Variants in NACC2 observed in about 807,000 individuals in gnomAD.
NACC2 encodes the protein NACC family member 2.
A neutral mutation model predicts 25.1 loss-of-function variants in NACC2; 8 were observed. The observed-to-expected ratio is 0.32, with a 90% CI of 0.19 to 0.57. NACC2 has a LOEUF of 0.57. Among genes scored for constraint, NACC2 ranks in the 20% least tolerant of loss-of-function variants. The pLI is 0.89. For synonymous variants in NACC2, 435 were observed against 294.7 expected (o/e 1.48, Z -4.88); for missense variants, 644 against 650.2 (o/e 0.99, Z 0.10).
At chr9:136,091,615 C>G (rs1830434396) in intron 1 of NACC2, among the ~76,000 whole-genome samples, 1 of 152,196 alleles carries the variant, frequency 6.6e-6, no homozygotes, top group Non-Finnish European at 1.5e-5. Flanking sequence ...TCACGCCTGC[C>G]CACTGCGCTC....
Position 136,019,623 on chromosome 9 carries a change from G to A in NACC2, c.887-3194C>T, listed in dbSNP as rs1373755313. 1.3e-5 allele frequency: 2 copies of A among 152,356 alleles called. No individual in the cohort carries two copies. Among genetic ancestry groups the A allele is most frequent in the Non-Finnish European group, 2.9e-5 (2 of 68,146 alleles). 9.4% of individuals were successfully genotyped at this position (152,356 alleles called of 1,614,324 possible). Reference sequence around the variant, plus strand: ...ACAACCGCGCCCCCACACAGGGAAGGTGCACCAGGGTCACGACGAGAGGGC... The same window carrying A: ...ACAACCGCGCCCCCACACAGGGAAGATGCACCAGGGTCACGACGAGAGGGC... On this transcript the variant is annotated intron_variant, in intron 2 of 5. Coordinates refer to ENST00000277554, the MANE Select transcript of NACC2 (RefSeq NM_144653.5). This position sits in a 1 kb window ranked among gnomAD's most constrained non-coding sequence, Gnocchi z 5.2.
At chr9:136,091,292 G>A (rs890045259) in intron 1 of NACC2, among the ~76,000 whole-genome samples, 32 of 152,200 alleles carry the variant, frequency 2.1e-4, no homozygotes, top group Non-Finnish European at 5.9e-5. Flanking sequence ...GGAGGCAGAG[G>A]ATGCTACTCT....
chr9:136,069,248 T>C (rs1841122646), intron 1 of NACC2, among the ~76,000 whole-genome samples: 1 of 151,644 alleles, frequency 6.6e-6, no homozygotes, highest in African/African-American at 2.4e-5. Context: ...GAGTCATATT[T>C]TAAAATGTAT....
intron 1 of NACC2, among the ~76,000 whole-genome samples, chr9:136,065,902 A>T (rs887529666): frequency 1.3e-5 from 2 of 152,048 alleles, no homozygotes; most frequent in Non-Finnish European, 2.9e-5. Flanking sequence ...CCATAAAGAA[A>T]GTAAAAAGAG....
chr9:136,083,748 C>G (rs529338253), intron 1 of NACC2, among the ~76,000 whole-genome samples: 6 of 152,360 alleles, frequency 3.9e-5, no homozygotes, highest in African/African-American at 1.4e-4. Context: ...GAAATTCCTG[C>G]TGTTTCAGGC....
intron 2 of NACC2, among the ~76,000 whole-genome samples, chr9:136,046,229 C>A (rs1001736427): frequency 6.6e-6 from 1 of 152,150 alleles, no homozygotes; most frequent in Non-Finnish European, 1.5e-5. Context: ...AGGCATTTCG[C>A]AATCTCTAGC....
At position 136,049,535 on chromosome 9, in the gene NACC2, GC is replaced by G. The variant is rs1211282825; in HGVS notation, c.886+100del. 82 of 632,682 alleles carry G rather than the reference GC, an allele frequency of 1.3e-4. No homozygotes were observed. In the African/African-American group the frequency reaches 1.3e-3, roughly 10 times the overall value. The allele number at this position is 632,682 out of a possible 1,614,324, so 39.2% of individuals were successfully genotyped here. On this transcript the variant is annotated intron_variant, in intron 2 of 5. Coordinates refer to ENST00000277554, the MANE Select transcript of NACC2 (RefSeq NM_144653.5). ...AGGCTTGGTGGGGGGCTCCCCTGTG[GC>G]CCCGCAGGCCTCCGGCCCAGTGGCC...
intron 1 of NACC2, 72 bp from the exon 2 acceptor site, chr9:136,050,652 C>T (rs2131162900): frequency 9.1e-6 from 6 of 657,016 alleles, no homozygotes; most frequent in South Asian, 8.4e-5. Context: ...CCGTTCCCAC[C>T]CCCTCCTCCC....
intron 2 of NACC2, among the ~76,000 whole-genome samples, chr9:136,025,948 T>C (rs568465541): frequency 1.3e-5 from 2 of 152,038 alleles, no homozygotes; most frequent in Admixed American, 1.3e-4. Flanking sequence ...ACTAACAATA[T>C]GAACTCAAAA....
chr9:136,059,106 C>G (rs1007901600), intron 1 of NACC2, among the ~76,000 whole-genome samples: 72 of 152,206 alleles, frequency 4.7e-4, no homozygotes, highest in African/African-American at 1.5e-3. Flanking sequence ...AGCCCCAACC[C>G]CTGCAAGCAG....
chr9:136,013,059 C>A lies in NACC2; in HGVS notation c.1255+140G>T, dbSNP rs1588555299. 4 of 642,188 alleles carry A rather than the reference C, an allele frequency of 6.2e-6. 1 individual carries two copies. 39.8% of individuals were successfully genotyped at this position (642,188 alleles called of 1,614,324 possible). A position where few individuals can be genotyped will look rare whatever the true frequency, so the allele number is the denominator to read the frequency against. ...GCTGCTCTTTTCTCCTCATCTTCCC[C>A]TCAATCAGACCATGCTCGGCCCCCA... On this transcript the variant is annotated intron_variant, in intron 5 of 5. Coordinates refer to ENST00000277554, the MANE Select transcript of NACC2 (RefSeq NM_144653.5). This position sits in a 1 kb window ranked among gnomAD's most constrained non-coding sequence, Gnocchi z 6.6.
In NACC2 at chr9:136,085,000, G is replaced by A. The variant is rs117076996; in HGVS notation, c.-60+10189C>T. Among the ~76,000 whole-genome samples, 640 of 152,300 alleles carry A rather than the reference G, an allele frequency of 4.2e-3. 2 individuals carry two copies. The highest frequency in any genetic ancestry group is 7.1e-3 in the Non-Finnish European group (485 of 68,022). ...CAGATGAAACAGTTCTAGAGATGGT[G>A]CTGAGGGCAGCGCAAAAATGTGCAT... On this transcript the variant is annotated intron_variant, in intron 1 of 5. Transcript: ENST00000277554. This position sits in a 1 kb window ranked among gnomAD's most constrained non-coding sequence, Gnocchi z 5.1.
intron 1 of NACC2, among the ~76,000 whole-genome samples, chr9:136,058,658 G>C (rs1012431539): frequency 5.9e-5 from 9 of 152,184 alleles, no homozygotes; most frequent in African/African-American, 2.2e-4. Context: ...TGACGAGCTC[G>C]ATCGCAACCC....
At chr9:136,077,898 G>T (rs1319997451) in intron 1 of NACC2, among the ~76,000 whole-genome samples, 1 of 152,200 alleles carries the variant, frequency 6.6e-6, no homozygotes, top group African/African-American at 2.4e-5. Context: ...TGAAAACCAC[G>T]TAAATAATAT....
At chr9:136,091,272 G>C (rs1474361627) in intron 1 of NACC2, among the ~76,000 whole-genome samples, 1 of 152,216 alleles carries the variant, frequency 6.6e-6, no homozygotes, top group Non-Finnish European at 1.5e-5. Context: ...TCAGCCTCCA[G>C]CTCCTCGGAG....
chr9:136,061,459 CAT>C (rs1841009273), intron 1 of NACC2, among the ~76,000 whole-genome samples: 2 of 152,204 alleles, frequency 1.3e-5, no homozygotes, highest in South Asian at 4.1e-4. Context: ...GAACCCTGAC[CAT>C]TGAGGGGCCC....
chr9:136,053,316 G>A (rs972168502), intron 1 of NACC2, among the ~76,000 whole-genome samples: 80 of 152,320 alleles, frequency 5.3e-4, no homozygotes, highest in African/African-American at 1.6e-3. Flanking sequence ...ATCCAGGTGC[G>A]GGGAAGCTGC....
intron 2 of NACC2, among the ~76,000 whole-genome samples, chr9:136,021,972 G>A (rs2131139192): frequency 6.6e-6 from 1 of 152,310 alleles, no homozygotes; most frequent in Non-Finnish European, 1.5e-5. Context: ...GCATGGAGGG[G>A]TTTGGCGAGG....
intron 2 of NACC2, among the ~76,000 whole-genome samples, chr9:136,030,312 T>C (rs1453776490): frequency 6.6e-6 from 1 of 152,076 alleles, no homozygotes. Flanking sequence ...CAGAAGATCT[T>C]AAAGAGGGTA....
Sources: gnomAD v4.1 joint callset for allele counts (sites outside exome capture counted in the v4.1 genomes callset) on GRCh38, gnomAD v4.1.1 for gene constraint, Gnocchi (gnomAD v3.1) non-coding constraint, MANE v1.5 for transcripts, NCBI Gene and HGNC (gene_info 2026-07-23, HGNC 2026-07-21) for gene names.